The following PAX5 variants were observed in gnomAD, a reference collection of about 807,000 sequenced individuals.
The protein encoded by PAX5 is paired box protein Pax-5.
Under a neutral mutation model 43.7 loss-of-function variants are expected in PAX5, and 9 were observed. The ratio of observed to expected loss-of-function variants is 0.21; its 90% CI spans 0.12 to 0.36. The LOEUF is 0.36. PAX5 is among the 10% of genes least tolerant of loss of function. The pLI is 1.00. For missense variants in PAX5, 383 were observed against 532.7 expected, an observed-to-expected ratio of 0.72 and a Z score of 2.77; for synonymous variants, 228 against 214.3, an observed-to-expected ratio of 1.06 and a Z score of -0.56.
chr9:37,003,165 A>AC (rs1838074543), intron 4 of PAX5, among the ~76,000 whole-genome samples: 1 of 150,118 alleles, frequency 6.7e-6, no homozygotes, highest in African/African-American at 2.4e-5. Context: ...AAAAAAAAAA[A>AC]AAAAAAAAAA....
chr9:36,853,995 C>T, intron 8 of PAX5, among the ~76,000 whole-genome samples: 1 of 152,248 alleles, frequency 6.6e-6, no homozygotes, highest in East Asian at 1.9e-4. Context: ...ATGGTGGGCT[C>T]CCACCTCTGC....
chr9:37,026,636 C>T, intron 1 of PAX5: 2 of 1,351,824 alleles, frequency 1.5e-6, no homozygotes, highest in Non-Finnish European at 9.7e-7. Context: ...AGGGGCTGCC[C>T]AGGGCGGATA....
chr9:36,872,702 T>C (rs10120465), intron 8 of PAX5, among the ~76,000 whole-genome samples: 10,786 of 152,200 alleles, frequency 0.071, 1,316 homozygotes, highest in African/African-American at 0.25. Flanking sequence ...ATCACTTCCG[T>C]GCAGGGTTCC....
chr9:36,890,864 C>A (rs553332073), intron 7 of PAX5, among the ~76,000 whole-genome samples: 1 of 152,106 alleles, frequency 6.6e-6, no homozygotes, highest in Non-Finnish European at 1.5e-5. Context: ...TTAGGCTGGG[C>A]GCAGTGGCTC....
At position 36,929,284 on chromosome 9, in the gene PAX5, AGGAAGGAT is replaced by A. The variant is rs1442465701; in HGVS notation, c.781-5808_781-5801del. 4.2e-5 allele frequency among the ~76,000 whole-genome samples: 6 copies of A among 142,584 alleles called. No homozygotes were observed. In the South Asian group the frequency reaches 1.4e-3, roughly 34 times the overall value. The allele number at this position is 142,584 out of a possible 152,430, so 93.5% of individuals were successfully genotyped here. On this transcript the variant is annotated intron_variant, in intron 6 of 9. Coordinates refer to ENST00000358127, the MANE Select transcript of PAX5 (RefSeq NM_016734.3). The stretch of plus-strand genomic sequence containing the variant: ...AAGGAAGGAAGGAAGGAAGGAAGGA[AGGAAGGAT>A]GGATGAGAGAGAGAGAGAGAGAAAG...
intron 5 of PAX5, among the ~76,000 whole-genome samples, chr9:36,992,748 C>T (rs1325409925): frequency 1.3e-5 from 2 of 152,194 alleles, no homozygotes; most frequent in Non-Finnish European, 2.9e-5. Context: ...TTTCTTTTAA[C>T]TGAAACCACT....
rs76115376 is a variant in PAX5, at chr9:36,856,247, G to A, written c.1013-9318C>T. Among the ~76,000 whole-genome samples the A allele has an allele frequency of 1.8e-3, 267 of 152,318 alleles. 1 individual carries two copies. Among genetic ancestry groups the A allele is most frequent in the African/African-American group, 6.1e-3 (254 of 41,552 alleles). ...CAGAAAAGGTCGTGAAATCCATGCT[G>A]GAAAGAATTAGTGAAACACCAGTCC... is the stretch of plus-strand genomic sequence containing the variant. On this transcript the variant is annotated intron_variant, in intron 8 of 9. Transcript: ENST00000358127.
rs577037188 is a variant in PAX5, at chr9:36,863,884, G to A, written c.1013-16955C>T. Among the ~76,000 whole-genome samples the A allele has an allele frequency of 1.9e-3, 284 of 152,360 alleles. 1 individual carries two copies. Among genetic ancestry groups the A allele is most frequent in the African/African-American group, 6.4e-3 (265 of 41,596 alleles). ...CCAGTACTTTGGGAGGCTAAGGTGG[G>A]CGGATCAGGAGGTCAGGAGCTCAAG... On this transcript the variant is annotated intron_variant, in intron 8 of 9. Transcript: ENST00000358127.
intron 1 of PAX5, among the ~76,000 whole-genome samples, chr9:37,030,907 T>C (rs1485832785): frequency 1.3e-5 from 2 of 152,278 alleles, no homozygotes; most frequent in Non-Finnish European, 2.9e-5. Context: ...TCAGACTGGT[T>C]GCTCAGTTCT....
In PAX5 at chr9:36,882,272, AC is replaced by A. The variant is rs1254144932; in HGVS notation, c.911-168del. On this transcript the variant is annotated intron_variant, in intron 7 of 9. Transcript: ENST00000358127. The surrounding 1 kb of genome is among the most constrained non-coding windows in gnomAD (Gnocchi z 4.4). Reference sequence around the variant, plus strand: ...CACGCTCTCACAAACACACATACACACACACACACACACACACACACACTCA... The same window carrying A: ...CACGCTCTCACAAACACACATACACAACACACACACACACACACACACTCA... Among the ~76,000 whole-genome samples the A allele has an allele frequency of 3.2e-4, 41 of 127,626 alleles. No homozygotes were observed. The East Asian group carries it at 9.8e-3, about 31-fold the overall frequency. The allele number at this position is 127,626 out of a possible 152,430, so 83.7% of individuals were successfully genotyped here. A position where few individuals can be genotyped will look rare whatever the true frequency, so the allele number is the denominator to read the frequency against.
Position 36,911,327 on chromosome 9 carries a change from C to CTTT in PAX5, c.910+12025_910+12027dup, listed in dbSNP as rs36123317. Among the ~76,000 whole-genome samples the CTTT allele has an allele frequency of 1.7e-4, 24 of 140,452 alleles. No homozygotes were observed. The East Asian group carries it at 1.8e-3, about 11-fold the overall frequency. 92.1% of individuals were successfully genotyped at this position (140,452 alleles called of 152,430 possible). A position where few individuals can be genotyped will look rare whatever the true frequency, so the allele number is the denominator to read the frequency against. ...ATCTCCTTTCCAATGCACAAAACAA[C>CTTT]TTTTTTTTTTTTTGAGATCGGGGGG... On this transcript the variant is annotated intron_variant, in intron 7 of 9. Transcript: ENST00000358127.
At chr9:36,903,508 G>A (rs1828569381) in intron 7 of PAX5, among the ~76,000 whole-genome samples, 1 of 152,270 alleles carries the variant, frequency 6.6e-6, no homozygotes, top group Non-Finnish European at 1.5e-5. Context: ...CACACAGCCT[G>A]AGGGCTGGGA....
chr9:36,950,344 A>G (rs942879351), intron 6 of PAX5, among the ~76,000 whole-genome samples: 1 of 152,246 alleles, frequency 6.6e-6, no homozygotes, highest in Non-Finnish European at 1.5e-5. Flanking sequence ...TTGGGAAAGA[A>G]TCAACAAATT....
intron 6 of PAX5, among the ~76,000 whole-genome samples, chr9:36,925,371 G>C (rs1333101124): frequency 1.3e-5 from 2 of 152,170 alleles, no homozygotes; most frequent in East Asian, 3.9e-4. Flanking sequence ...AGAAGAACAA[G>C]GCCAGGGGGA....
At chr9:36,942,699 A>G (rs1832151995) in intron 6 of PAX5, among the ~76,000 whole-genome samples, 1 of 152,246 alleles carries the variant, frequency 6.6e-6, no homozygotes, top group Non-Finnish European at 1.5e-5. Flanking sequence ...TGAGGCACAG[A>G]GAGATGAAGT....
At chr9:37,011,843 G>A (rs909578726) in intron 3 of PAX5, among the ~76,000 whole-genome samples, 2 of 152,174 alleles carry the variant, frequency 1.3e-5, no homozygotes, top group Non-Finnish European at 2.9e-5. Context: ...AAATCAGAAA[G>A]GGTGAAAAGT....
At chr9:37,030,891 T>C (rs1840918178) in intron 1 of PAX5, among the ~76,000 whole-genome samples, 1 of 152,220 alleles carries the variant, frequency 6.6e-6, no homozygotes, top group Non-Finnish European at 1.5e-5. Context: ...TGAGGCCCAA[T>C]AGGGCTCAGA....
chr9:36,987,727 A>G (rs1382505441), intron 5 of PAX5, among the ~76,000 whole-genome samples: 2 of 152,184 alleles, frequency 1.3e-5, no homozygotes, highest in Non-Finnish European at 2.9e-5. Flanking sequence ...AGAGCAGGAA[A>G]GGGGAAAGGG....
intron 5 of PAX5, among the ~76,000 whole-genome samples, chr9:36,997,369 C>A (rs1837480851): frequency 6.6e-6 from 1 of 152,224 alleles, no homozygotes; most frequent in Admixed American, 6.5e-5. Context: ...CCGCTGACCT[C>A]AGTGTGTTCA....
Sources: gnomAD v4.1 joint callset for allele counts (sites outside exome capture counted in the v4.1 genomes callset) on GRCh38, gnomAD v4.1.1 for gene constraint, Gnocchi (gnomAD v3.1) non-coding constraint, MANE v1.5 for transcripts, NCBI Gene and HGNC (gene_info 2026-07-23, HGNC 2026-07-21) for gene names.